The following AGBL1 variants were observed in gnomAD, a reference collection of about 807,000 sequenced individuals.
The protein encoded by AGBL1 is cytosolic carboxypeptidase 4.
AGBL1 carries 130 observed loss-of-function variants against 118.9 expected under a neutral mutation model. The ratio of observed to expected loss-of-function variants is 1.09; its 90% CI spans 0.95 to 1.26. The LOEUF (loss-of-function observed/expected upper bound fraction) is 1.26. Among genes scored for constraint, AGBL1 ranks in the 50% most tolerant of loss-of-function variants. AGBL1 has a pLI of 0.00. For synonymous variants in AGBL1, 555 were observed against 478.9 expected, an observed-to-expected ratio of 1.16 and a Z score of -2.08; for missense variants, 1,584 against 1,298.1, an observed-to-expected ratio of 1.22 and a Z score of -3.38.
chr15:86,924,282 A>G (rs1029656460), intron 23 of AGBL1, among the ~76,000 whole-genome samples: 1 of 152,252 alleles, frequency 6.6e-6, no homozygotes, highest in African/African-American at 2.4e-5. Flanking sequence ...TGGTACAATG[A>G]ATGGTCTTAT....
At chr15:86,438,924 G>A (rs552640878) in intron 18 of AGBL1, among the ~76,000 whole-genome samples, 2 of 152,040 alleles carry the variant, frequency 1.3e-5, no homozygotes, top group Non-Finnish European at 2.9e-5. Flanking sequence ...GCCTCCCAAA[G>A]TGCTGGGATT....
intron 21 of AGBL1, among the ~76,000 whole-genome samples, chr15:86,608,184 C>T (rs1051456598): frequency 6.6e-6 from 1 of 152,176 alleles, no homozygotes; most frequent in African/African-American, 2.4e-5. Flanking sequence ...TTATCCCTTT[C>T]TCATCCTGCA....
intron 7 of AGBL1, among the ~76,000 whole-genome samples, chr15:86,255,859 T>C (rs1329189488): frequency 6.6e-6 from 1 of 152,204 alleles, no homozygotes; most frequent in Non-Finnish European, 1.5e-5. Context: ...TTATTAATTT[T>C]TTTCCTCCAT....
chr15:86,814,161 G>A (rs1461059317), intron 22 of AGBL1, among the ~76,000 whole-genome samples: 2 of 152,218 alleles, frequency 1.3e-5, no homozygotes, highest in African/African-American at 4.8e-5. Context: ...ATTACCGCCT[G>A]AGCTCTGCCT....
intron 17 of AGBL1, among the ~76,000 whole-genome samples, chr15:86,386,836 C>G (rs142917042): frequency 6.6e-6 from 1 of 152,098 alleles, no homozygotes; most frequent in South Asian, 2.1e-4. Context: ...ACCACAGTCC[C>G]TATTATAGTG....
Position 86,680,565 on chromosome 15 carries a change from CTTTTTTT to C in AGBL1, c.3158+6143_3158+6149del, listed in dbSNP as rs34873609. Among the ~76,000 whole-genome samples the C allele has an allele frequency of 1.5e-3, 139 of 94,700 alleles. 1 individual carries two copies. Among genetic ancestry groups the C allele is most frequent in the Non-Finnish European group, 1.9e-3 (95 of 50,118 alleles). 62.1% of individuals were successfully genotyped at this position (94,700 alleles called of 152,430 possible). Reference sequence around the variant, plus strand: ...TCTTTTTTCTTTCTTTCTTTCTTTTCTTTTTTTTTTTTTTTTTTTTGAGATGGGGGTC... The same window carrying C: ...TCTTTTTTCTTTCTTTCTTTCTTTTCTTTTTTTTTTTTTGAGATGGGGGTC... On this transcript the variant is annotated intron_variant, in intron 22 of 22. Coordinates refer to ENST00000614907, the MANE Select transcript of AGBL1 (RefSeq NM_001386094.1).
At chr15:86,528,346 C>G (rs565504704) in intron 19 of AGBL1, among the ~76,000 whole-genome samples, 3 of 152,180 alleles carry the variant, frequency 2.0e-5, no homozygotes, top group Non-Finnish European at 4.4e-5. Flanking sequence ...AAAGGGGTGA[C>G]GGACGCACCT....
At chr15:86,428,434 C>T (rs967994320) in intron 18 of AGBL1, among the ~76,000 whole-genome samples, 1 of 152,168 alleles carries the variant, frequency 6.6e-6, no homozygotes, top group South Asian at 2.1e-4. Flanking sequence ...TCCTATTTTC[C>T]CCCGTCTTTT....
At chr15:86,411,118 TG>T (rs947464454) in intron 18 of AGBL1, among the ~76,000 whole-genome samples, 1 of 151,156 alleles carries the variant, frequency 6.6e-6, no homozygotes, top group African/African-American at 2.4e-5. Context: ...TAGATTTAAC[TG>T]GCACCTTGGA....
intron 24 of AGBL1, among the ~76,000 whole-genome samples, chr15:86,996,876 A>G (rs919272253): frequency 6.6e-6 from 1 of 152,144 alleles, no homozygotes; most frequent in African/African-American, 2.4e-5. Flanking sequence ...AACAATGACA[A>G]AACTTGTGGA....
At chr15:86,822,143 G>A (rs182500501) in intron 22 of AGBL1, among the ~76,000 whole-genome samples, 296 of 152,258 alleles carry the variant, frequency 1.9e-3, no homozygotes, top group Non-Finnish European at 3.2e-3. Flanking sequence ...AAGTTCGTGA[G>A]TATATTTGCC....
Position 86,295,255 on chromosome 15 carries a change from ACT to A in AGBL1, c.2223_2224del (p.His742SerfsTer2), listed in dbSNP as rs764436168. ...CATGCCTGCTTTATTTCTGCTCCAG[ACT>A]CATCTTGACATCCTGGAAAAGAGTG... ...HYPYTYTALM[T>X]HLDILEKSVN... On this transcript the variant is annotated frameshift_variant and splice_region_variant, in exon 17 of 23. Transcript: ENST00000614907. LOFTEE classifies it high-confidence loss of function. 23 of 1,613,310 alleles carry A rather than the reference ACT, an allele frequency of 1.4e-5. No homozygotes were observed. In the African/African-American group the frequency reaches 3.1e-4, roughly 22 times the overall value.
intron 22 of AGBL1, among the ~76,000 whole-genome samples, chr15:86,777,913 G>A (rs991786747): frequency 2.6e-5 from 4 of 151,944 alleles, no homozygotes; most frequent in East Asian, 1.9e-4. Context: ...GCTAATTATC[G>A]GGGGAAATTC....
At chr15:87,031,153 C>T (rs1223871691), downstream of AGBL1, among the ~76,000 whole-genome samples, 1 of 151,904 alleles carries the variant, frequency 6.6e-6, no homozygotes, top group Non-Finnish European at 1.5e-5. Flanking sequence ...TTTCATGTGT[C>T]AGCTTTGTGT....
chr15:86,311,184 A>C (rs543557525), intron 17 of AGBL1, among the ~76,000 whole-genome samples: 1 of 152,292 alleles, frequency 6.6e-6, no homozygotes, highest in South Asian at 2.1e-4. Flanking sequence ...TTATTCTTTC[A>C]GACCAATTCA....
chr15:86,845,103 A>G (rs1040797828), intron 22 of AGBL1, among the ~76,000 whole-genome samples: 7 of 152,000 alleles, frequency 4.6e-5, no homozygotes, highest in Non-Finnish European at 8.8e-5. Context: ...AAGTCCTCCA[A>G]ATTTTTTATT....
At position 86,689,334 on chromosome 15, in the gene AGBL1, A is replaced by G. The variant is rs76966606; in HGVS notation, c.3158+14898A>G. On this transcript the variant is annotated intron_variant, in intron 22 of 22. Transcript: ENST00000614907. ...TAAAGTAGCATTTCTAGCCACTCCT[A>G]CTGTAAGGCCTCTAATTTAGTATTA... Among the ~76,000 whole-genome samples, 268 of 152,174 alleles carry G rather than the reference A, an allele frequency of 1.8e-3. 4 individuals are homozygous for G. The East Asian group carries it at 0.022, about 13-fold the overall frequency.
chr15:86,356,893 T>G (rs978353748), intron 17 of AGBL1, among the ~76,000 whole-genome samples: 1 of 152,174 alleles, frequency 6.6e-6, no homozygotes. Context: ...TTGTCCAACA[T>G]TACACAGTAA....
chr15:86,741,866 T>A (rs1295824554), intron 22 of AGBL1, among the ~76,000 whole-genome samples: 2 of 152,148 alleles, frequency 1.3e-5, no homozygotes, highest in Admixed American at 1.3e-4. Context: ...ATTCATACAG[T>A]GTGCCTAGGA....
Sources: gnomAD v4.1 joint callset for allele counts (sites outside exome capture counted in the v4.1 genomes callset) on GRCh38, gnomAD v4.1.1 for gene constraint, MANE v1.5 for transcripts, NCBI Gene and HGNC (gene_info 2026-07-23, HGNC 2026-07-21) for gene names.